Variants in TFPI observed in about 807,000 individuals in gnomAD.
The protein encoded by TFPI is tissue factor pathway inhibitor, also known as anti-convertin.
TFPI carries 15 observed loss-of-function variants against 34.6 expected under a neutral mutation model. That is an observed-to-expected ratio of 0.43 (90% CI 0.29 to 0.67). The LOEUF (loss-of-function observed/expected upper bound fraction) is 0.67, where lower values mean the gene tolerates loss of function less well. Ranked by LOEUF, TFPI falls within the 30% of genes least tolerant of loss-of-function variation. TFPI has a pLI of 0.15. For missense variants in TFPI, 301 were observed against 364.0 expected (o/e 0.83, Z 1.41); for synonymous variants, 105 against 120.1 (o/e 0.87, Z 0.82).
chr2:187,484,752 G>T, intron 5 of TFPI, 59 bp downstream of exon 5: 1 of 1,470,392 alleles, frequency 6.8e-7, no homozygotes, highest in Non-Finnish European at 9.1e-7. Flanking sequence ...CATCTGAGAT[G>T]CCTTAGTTTT....
chr2:187,493,923 C>T (rs1372683875), intron 3 of TFPI, among the ~76,000 whole-genome samples: 1 of 152,162 alleles, frequency 6.6e-6, no homozygotes, highest in Admixed American at 6.5e-5. Flanking sequence ...CCAACATTTT[C>T]CTGTCTTCTT....
chr2:187,492,909 G>A (rs1685216732), intron 3 of TFPI, among the ~76,000 whole-genome samples: 2 of 152,136 alleles, frequency 1.3e-5, no homozygotes, highest in Admixed American at 6.6e-5. Flanking sequence ...AGAATTTGGG[G>A]GACTATTGGG....
chr2:187,502,060 A>G (rs1685887558), intron 2 of TFPI, among the ~76,000 whole-genome samples: 2 of 152,204 alleles, frequency 1.3e-5, no homozygotes, highest in Admixed American at 1.3e-4. Context: ...ATGTGAGATA[A>G]GGTTATTATA....
Position 187,484,933 on chromosome 2 carries a change from A to G in TFPI, c.413T>C (p.Ile138Thr), listed in dbSNP as rs768683033. 12 of 1,577,720 alleles carry G rather than the reference A, an allele frequency of 7.6e-6. No homozygotes were observed. The highest frequency in any genetic ancestry group is 9.4e-6 in the Non-Finnish European group (11 of 1,165,828). The change falls in exon 5 of 8, where the codon ATT becomes ACT. Residue 138 changes from isoleucine to threonine, a missense_variant. Coordinates refer to ENST00000233156, the MANE Select transcript of TFPI (RefSeq NM_006287.6). ...EEDPGICRGY[I>T]TRYFYNNQTK... is the part of the protein sequence containing the mutation. Reference sequence around the variant, plus strand: ...CTGATTGTTATAAAAATACCTGGTAATATAACCTCGACATATTCCAGGATC... The same window carrying G: ...CTGATTGTTATAAAAATACCTGGTAGTATAACCTCGACATATTCCAGGATC...
At chr2:187,498,482 T>G (rs1323652949) in intron 2 of TFPI, among the ~76,000 whole-genome samples, 1 of 151,796 alleles carries the variant, frequency 6.6e-6, no homozygotes. Context: ...TTTATATGAG[T>G]CATAAAATTG....
intron 1 of TFPI, among the ~76,000 whole-genome samples, chr2:187,508,421 T>C (rs565211914): frequency 5.1e-4 from 78 of 152,330 alleles, no homozygotes; most frequent in African/African-American, 1.8e-3. Flanking sequence ...TTTTTCAATA[T>C]TGATTCTTCC....
At chr2:187,522,807 C>T (rs904977823) in intron 1 of TFPI, among the ~76,000 whole-genome samples, 27 of 150,466 alleles carry the variant, frequency 1.8e-4, no homozygotes, top group African/African-American at 5.6e-4. Flanking sequence ...AGGAGAATGG[C>T]GTGAACCCGG....
At chr2:187,551,768 A>T (rs549005404) in intron 1 of TFPI, among the ~76,000 whole-genome samples, 1 of 152,310 alleles carries the variant, frequency 6.6e-6, no homozygotes, top group East Asian at 1.9e-4. Context: ...AAAGAATTAT[A>T]GTACTGCTAT....
chr2:187,497,484 A>G (rs141994343), intron 2 of TFPI, among the ~76,000 whole-genome samples: 1 of 152,102 alleles, frequency 6.6e-6, no homozygotes, highest in East Asian at 1.9e-4. Flanking sequence ...GCATATTCAC[A>G]TTCACATATA....
chr2:187,465,077 A>G lies in TFPI; in HGVS notation c.*1859T>C, dbSNP rs1691650601. The G allele has an allele frequency of 6.6e-6, 1 of 152,208 alleles. No individual in the cohort carries two copies. The highest frequency in any genetic ancestry group is 1.5e-5 in the Non-Finnish European group (1 of 68,042). 9.4% of individuals were successfully genotyped at this position (152,208 alleles called of 1,614,324 possible). A position where few individuals can be genotyped will look rare whatever the true frequency, so the allele number is the denominator to read the frequency against. On this transcript the variant is annotated 3_prime_UTR_variant, in exon 8 of 8. Coordinates refer to ENST00000233156, the MANE Select transcript of TFPI (RefSeq NM_006287.6). Reference sequence around the variant, plus strand: ...GAAAGTACTGTTGGTAAATCCAAAAACATACATCAAAATTAAATGGTGAGG... The same window carrying G: ...GAAAGTACTGTTGGTAAATCCAAAAGCATACATCAAAATTAAATGGTGAGG...
intron 2 of TFPI, among the ~76,000 whole-genome samples, chr2:187,502,605 C>A (rs921277075): frequency 1.3e-5 from 2 of 152,060 alleles, no homozygotes; most frequent in African/African-American, 4.8e-5. Context: ...CATGACTTCC[C>A]CTTGTGGAGC....
chr2:187,467,268 T>G (rs1691764004), intron 7 of TFPI, among the ~76,000 whole-genome samples: 1 of 152,014 alleles, frequency 6.6e-6, no homozygotes. Flanking sequence ...ATTTTTATTA[T>G]TAGTTCCTCT....
At chr2:187,486,938 C>T (rs1442232757) in intron 4 of TFPI, among the ~76,000 whole-genome samples, 1 of 151,456 alleles carries the variant, frequency 6.6e-6, no homozygotes, top group Admixed American at 6.6e-5. Context: ...AAAGTTCACT[C>T]GAAATTGATC....
intron 1 of TFPI, among the ~76,000 whole-genome samples, chr2:187,553,114 C>T (rs984309784): frequency 2.0e-5 from 3 of 151,928 alleles, no homozygotes; most frequent in Non-Finnish European, 2.9e-5. Context: ...TTAAAATAAT[C>T]TTTAAAATGT....
rs1376083435 is a variant in TFPI at position 187,496,171 on chromosome 2, AT to A, written c.319+709del. Among the ~76,000 whole-genome samples, 4 of 152,074 alleles carry A rather than the reference AT, an allele frequency of 2.6e-5. No individual in the cohort carries two copies. In the East Asian group the frequency reaches 7.7e-4, roughly 29 times the overall value. Reference sequence around the variant, plus strand: ...AAGTCCACAAGGGTCATCAGGGATGATTTTTCTTTTCTATGGTATTCTATTT... The same window carrying A: ...AAGTCCACAAGGGTCATCAGGGATGATTTTCTTTTCTATGGTATTCTATTT... On this transcript the variant is annotated intron_variant, in intron 3 of 7. Transcript: ENST00000233156.
chr2:187,512,758 A>C (rs1686732298), intron 1 of TFPI, among the ~76,000 whole-genome samples: 1 of 151,200 alleles, frequency 6.6e-6, no homozygotes, highest in African/African-American at 2.5e-5. Flanking sequence ...ATCTTCAAAA[A>C]AAAGGGAAAA....
chr2:187,500,550 G>A (rs966663376), intron 2 of TFPI, among the ~76,000 whole-genome samples: 2 of 151,842 alleles, frequency 1.3e-5, no homozygotes, highest in Admixed American at 6.6e-5. Context: ...TCACCTTTAT[G>A]AAACTAAAAA....
At chr2:187,537,788 A>G (rs1422252107) in intron 1 of TFPI, among the ~76,000 whole-genome samples, 1 of 152,234 alleles carries the variant, frequency 6.6e-6, no homozygotes, top group African/African-American at 2.4e-5. Context: ...AACTATCTTC[A>G]GAGTGAACAG....
At chr2:187,523,350 A>G (rs1687508136) in intron 1 of TFPI, among the ~76,000 whole-genome samples, 1 of 152,154 alleles carries the variant, frequency 6.6e-6, no homozygotes, top group South Asian at 2.1e-4. Flanking sequence ...AGCAATAGGA[A>G]TATTGTTAAC....
Sources: gnomAD v4.1 joint callset for allele counts (sites outside exome capture counted in the v4.1 genomes callset) on GRCh38, gnomAD v4.1.1 for gene constraint, MANE v1.5 for transcripts, NCBI Gene and HGNC (gene_info 2026-07-23, HGNC 2026-07-21) for gene names.